CIB1: variants seen among roughly 807,000 people sequenced by gnomAD.
CIB1 encodes the protein calcium and integrin-binding protein 1.
Under a neutral mutation model 25.0 loss-of-function variants are expected in CIB1, and 19 were observed. The ratio of observed to expected loss-of-function variants is 0.76; its 90% CI spans 0.53 to 1.12. The LOEUF is 1.12. Ranked by LOEUF, CIB1 falls within the 50% of genes most tolerant of loss-of-function variation. The pLI, the probability that CIB1 is intolerant of heterozygous loss-of-function variation, is 0.00. For missense variants in CIB1, 236 were observed against 242.6 expected (o/e 0.97, Z 0.18); for synonymous variants, 104 against 98.5 (o/e 1.06, Z -0.33).
rs773349164 is a variant in CIB1 at position 90,231,509 on chromosome 15, TAGG to T, written c.196-5_196-3del. 1.7e-4 allele frequency: 278 copies of T among 1,613,084 alleles called. 3 individuals carry two copies. In the South Asian group the frequency reaches 2.8e-3, roughly 17 times the overall value. On this transcript the variant is annotated splice_polypyrimidine_tract_variant and splice_region_variant and intron_variant, in intron 3 of 6. Coordinates refer to ENST00000328649, the MANE Select transcript of CIB1 (RefSeq NM_006384.4). ...GATTCGCTCCTTGAAGGGGTTGGCC[TAGG>T]AGAACAAACGCCACAGGACGTGGCC... is the stretch of plus-strand genomic sequence containing the variant.
chr15:90,241,935 A>G, the CIB1 span: 2 of 1,614,046 alleles, frequency 1.2e-6, no homozygotes, highest in Non-Finnish European at 1.7e-6. Context: ...CCCTGTCAAA[A>G]CATCCCAGGA....
At chr15:90,246,890 G>C in the CIB1 span, among the ~76,000 whole-genome samples, 1 of 143,800 alleles carries the variant, frequency 7.0e-6, no homozygotes, top group Non-Finnish European at 1.5e-5. Flanking sequence ...ATAGTCCCTA[G>C]AACACTAAAT....
At chr15:90,259,120 T>C in the CIB1 span, 6 of 1,333,464 alleles carry the variant, frequency 4.5e-6, no homozygotes, top group South Asian at 7.5e-5. Context: ...CCCAGCACTT[T>C]GGGAGGCTGA....
chr15:90,232,499 C>T lies in CIB1; in HGVS notation c.87-172G>A, dbSNP rs929442127. 5.6e-6 allele frequency: 6 copies of T among 1,078,918 alleles called. No individual in the cohort carries two copies. In the East Asian group the frequency reaches 1.4e-4, roughly 25 times the overall value. 66.8% of individuals were successfully genotyped at this position (1,078,918 alleles called of 1,614,324 possible). On this transcript the variant is annotated intron_variant, in intron 2 of 6. Coordinates refer to ENST00000328649, the MANE Select transcript of CIB1 (RefSeq NM_006384.4). ...CAAAAGGACATGTCACAAGGCAGTA[C>T]AGCCTAGGAGTCTATTCTTGCAATG...
chr15:90,265,624 C>A, the CIB1 span: 1 of 1,526,232 alleles, frequency 6.6e-7, no homozygotes, highest in Non-Finnish European at 9.0e-7. Context: ...TACTACCCAG[C>A]CTCCGGCCCG....
chr15:90,265,214 T>A, the CIB1 span: 8 of 1,355,562 alleles, frequency 5.9e-6, no homozygotes, highest in Admixed American at 9.9e-5. Flanking sequence ...TTTCTGCTCA[T>A]CAAGCCTTAG....
the CIB1 span, chr15:90,265,404 T>C: frequency 2.4e-6 from 3 of 1,264,190 alleles, no homozygotes; most frequent in South Asian, 1.8e-5. Flanking sequence ...CAGGCAGGCC[T>C]GGGCAGCCGC....
chr15:90,250,188 A>C, the CIB1 span, among the ~76,000 whole-genome samples: 1 of 151,642 alleles, frequency 6.6e-6, no homozygotes, highest in South Asian at 2.1e-4. Context: ...CCAACTCCAG[A>C]CCTCAAGTGA....
the CIB1 span, chr15:90,243,117 A>G: frequency 1.3e-5 from 2 of 152,170 alleles, no homozygotes; most frequent in African/African-American, 4.8e-5. Context: ...TAGCACGGTA[A>G]TAGTGCCTGT....
the CIB1 span, among the ~76,000 whole-genome samples, chr15:90,259,389 C>CAA: frequency 3.1e-5 from 4 of 130,864 alleles, no homozygotes; most frequent in African/African-American, 1.1e-4. Context: ...GACCCTGTTT[C>CAA]AAAAAAAAAA....
chr15:90,241,882 G>A, the CIB1 span: 1 of 1,614,042 alleles, frequency 6.2e-7, no homozygotes, highest in Admixed American at 1.7e-5. Flanking sequence ...ATAAAGGACG[G>A]TGAAGCTTTC....
chr15:90,241,861 C>G, the CIB1 span: 1 of 1,614,172 alleles, frequency 6.2e-7, no homozygotes, highest in Non-Finnish European at 8.5e-7. Flanking sequence ...GCCCGGAAGT[C>G]CAGCTTTGGG....
the CIB1 span, chr15:90,262,945 T>C: frequency 2.0e-6 from 3 of 1,531,210 alleles, no homozygotes; most frequent in Non-Finnish European, 2.6e-6. Flanking sequence ...ATCCTGCATT[T>C]ATCTCTCATG....
At chr15:90,238,098 G>A (rs1467360820), upstream of CIB1, among the ~76,000 whole-genome samples, 5 of 152,110 alleles carry the variant, frequency 3.3e-5, no homozygotes, top group Non-Finnish European at 7.4e-5. Context: ...TCAGGAGTTC[G>A]AGACCAGCCT....
chr15:90,250,603 A>C, the CIB1 span: 1 of 1,602,478 alleles, frequency 6.2e-7, no homozygotes, highest in South Asian at 1.1e-5. Context: ...CTTCATTCCC[A>C]CCCCGCAACC....
chr15:90,253,331 C>CT, the CIB1 span: 1 of 1,613,416 alleles, frequency 6.2e-7, no homozygotes, highest in Non-Finnish European at 8.5e-7. Context: ...ACTGCGCTGT[C>CT]TCACTGGAAC....
chr15:90,252,935 G>C, the CIB1 span, among the ~76,000 whole-genome samples: 1 of 152,132 alleles, frequency 6.6e-6, no homozygotes, highest in African/African-American at 2.4e-5. Flanking sequence ...CCTGGGAGGC[G>C]GAGGTTGCAG....
chr15:90,264,765 C>T, the CIB1 span: 3 of 1,536,012 alleles, frequency 2.0e-6, no homozygotes, highest in African/African-American at 1.4e-5. Context: ...CGAGTCCTGG[C>T]AGGATCAGTG....
rs1005803446 is a variant in CIB1, at chr15:90,233,857, T to C, written c.29A>G (p.Lys10Arg). The C allele has an allele frequency of 4.6e-6, 7 of 1,523,166 alleles. No individual in the cohort carries two copies. Among genetic ancestry groups the C allele is most frequent in the African/African-American group, 4.2e-5 (3 of 72,176 alleles). 94.4% of individuals were successfully genotyped at this position (1,523,166 alleles called of 1,614,324 possible). ...CACCTGGTACTCGGCCAGCAGCTCC[T>C]TGGACAGGCGACTGCCCGAGCCCCC... Reference protein sequence around the residue: MGGSGSRLSKELLAEYQDLT... With the variant: MGGSGSRLSRELLAEYQDLT... Residue 10 changes from lysine to arginine, a missense_variant, in exon 1 of 7, where the codon AAG becomes AGG. By Grantham distance (26) the Lys-to-Arg change is conservative. Transcript: ENST00000328649.
Sources: gnomAD v4.1 joint callset for allele counts (sites outside exome capture counted in the v4.1 genomes callset) on GRCh38, gnomAD v4.1.1 for gene constraint, MANE v1.5 for transcripts, NCBI Gene and HGNC (gene_info 2026-07-23, HGNC 2026-07-21) for gene names.